RTF2: variants seen among roughly 807,000 people sequenced by gnomAD.
The protein encoded by RTF2 is replication termination factor 2.
RTF2 carries 18 observed loss-of-function variants against 38.0 expected under a neutral mutation model. That is an observed-to-expected ratio of 0.47 (90% CI 0.33 to 0.70). The LOEUF (loss-of-function observed/expected upper bound fraction) is 0.70, where lower values mean the gene tolerates loss of function less well. Among genes scored for constraint, RTF2 ranks in the 30% least tolerant of loss-of-function variants. The pLI is 0.02. For synonymous variants in RTF2, 126 were observed against 137.1 expected (o/e 0.92, Z 0.57); for missense variants, 311 against 379.6 (o/e 0.82, Z 1.50).
chr20:56,508,773 A>G (rs1984445162), intron 5 of RTF2, among the ~76,000 whole-genome samples: 1 of 152,216 alleles, frequency 6.6e-6, no homozygotes, highest in Non-Finnish European at 1.5e-5. Flanking sequence ...CGATGGGGGA[A>G]AGAATAGTTT....
intron 2 of RTF2, among the ~76,000 whole-genome samples, 185 bp downstream of exon 2, chr20:56,473,580 T>C (rs552770768): frequency 2.4e-4 from 37 of 152,294 alleles, no homozygotes; most frequent in Admixed American, 2.2e-3. Context: ...ATTTAATCCA[T>C]GGTTTGAAAA....
rs1055568688 is a variant in RTF2 at position 56,517,283 on chromosome 20, G to A, written c.742+82G>A. On this transcript the variant is annotated intron_variant, in intron 8 of 8. Coordinates refer to ENST00000357348, the MANE Select transcript of RTF2 (RefSeq NM_016407.5). The stretch of plus-strand genomic sequence containing the variant: ...CCGAGTCCAGGTTTCACTGGAGTGG[G>A]TGGATGGGAAGCCCAAGCCTGTCCT... 5 of 1,095,728 alleles carry A rather than the reference G, an allele frequency of 4.6e-6. No homozygotes were observed. In the Admixed American group the frequency reaches 5.7e-5, roughly 12 times the overall value. 67.9% of individuals were successfully genotyped at this position (1,095,728 alleles called of 1,614,324 possible).
At chr20:56,490,157 A>G (rs554736194) in intron 5 of RTF2, among the ~76,000 whole-genome samples, 70 of 152,294 alleles carry the variant, frequency 4.6e-4, no homozygotes, top group Non-Finnish European at 8.7e-4. Flanking sequence ...TCCCAGGGCT[A>G]TTTCACACAG....
chr20:56,478,900 G>T (rs1672434757), intron 4 of RTF2, among the ~76,000 whole-genome samples: 1 of 152,200 alleles, frequency 6.6e-6, no homozygotes, highest in South Asian at 2.1e-4. Context: ...TTAAGCTTAT[G>T]TAATATTTCA....
At chr20:56,494,008 T>C (rs1171980912) in intron 5 of RTF2, among the ~76,000 whole-genome samples, 1 of 152,154 alleles carries the variant, frequency 6.6e-6, no homozygotes, top group Admixed American at 6.5e-5. Flanking sequence ...GTGACTTCAC[T>C]TACCTGAGCC....
At chr20:56,477,831 A>T (rs1391823527) in intron 4 of RTF2, among the ~76,000 whole-genome samples, 1 of 152,244 alleles carries the variant, frequency 6.6e-6, no homozygotes, top group Non-Finnish European at 1.5e-5. Flanking sequence ...ATGCAGTAAC[A>T]GGCAGAGTTA....
chr20:56,489,144 C>T (rs1305655873), intron 5 of RTF2, among the ~76,000 whole-genome samples: 1 of 152,040 alleles, frequency 6.6e-6, no homozygotes, highest in Non-Finnish European at 1.5e-5. Context: ...TAACCTCTGC[C>T]TCCCAGGTTC....
chr20:56,488,366 A>G (rs571338066), intron 5 of RTF2, among the ~76,000 whole-genome samples: 1 of 152,280 alleles, frequency 6.6e-6, no homozygotes, highest in South Asian at 2.1e-4. Flanking sequence ...GTCTCAAAAA[A>G]AAAAAGTGCC....
Position 56,518,095 on chromosome 20 carries a change from G to A in RTF2, c.751G>A (p.Glu251Lys), listed in dbSNP as rs780811882. The part of the protein sequence containing the change: ...NLAPKSTAMN[E>K]SSSGKAGKPP... ...GCTCTTCATTTTTCTAGCAATGAAT[G>A]AGAGCTCTTCTGGAAAAGCTGGGAA... The change falls in exon 9 of 9, where the codon GAG becomes AAG. Residue 251 changes from glutamate (E) to lysine (K), a missense_variant. Physicochemically the swap from Glu to Lys is moderately conservative, Grantham distance 56. Transcript: ENST00000357348. The A allele has an allele frequency of 2.5e-6, 4 of 1,608,388 alleles. No individual in the cohort carries two copies. Among genetic ancestry groups the A allele is most frequent in the Admixed American group, 1.7e-5 (1 of 58,168 alleles).
chr20:56,515,798 C>T (rs1366025650), intron 6 of RTF2: 2 of 152,198 alleles, frequency 1.3e-5, no homozygotes, highest in Non-Finnish European at 2.9e-5. Flanking sequence ...CAAGTTAATT[C>T]AAAGCCCAGT....
At chr20:56,491,368 C>T in intron 5 of RTF2, 1 of 580,294 alleles carries the variant, frequency 1.7e-6, no homozygotes, top group Non-Finnish European at 3.1e-6. Context: ...GTTTTTTTGT[C>T]TTGTGATTTC....
chr20:56,512,793 C>A (rs1031879490), intron 5 of RTF2, among the ~76,000 whole-genome samples: 1 of 152,198 alleles, frequency 6.6e-6, no homozygotes, highest in Admixed American at 6.5e-5. Context: ...GGCTTCCTTA[C>A]GCGCACTCCC....
At chr20:56,509,134 C>G (rs554214600) in intron 5 of RTF2, among the ~76,000 whole-genome samples, 1 of 152,108 alleles carries the variant, frequency 6.6e-6, no homozygotes, top group Non-Finnish European at 1.5e-5. Flanking sequence ...CCTCTTAGAA[C>G]GCAACATCAA....
intron 5 of RTF2, among the ~76,000 whole-genome samples, chr20:56,486,902 C>T (rs1315823687): frequency 2.6e-5 from 4 of 152,018 alleles, no homozygotes; most frequent in South Asian, 4.1e-4. Context: ...TGATCGAGGC[C>T]TGGTCCTGTC....
In RTF2 at chr20:56,518,023, A is replaced by G. The variant is rs1568715257; in HGVS notation, c.743-64A>G. 1.1e-5 allele frequency: 16 copies of G among 1,482,666 alleles called. No homozygotes were observed. In the East Asian group the frequency reaches 3.6e-4, roughly 34 times the overall value. 91.8% of individuals were successfully genotyped at this position (1,482,666 alleles called of 1,614,324 possible). Reference sequence around the variant, plus strand: ...GAGTGACTGATGGGCTTCCCTTCTGAGGATGCGAAGTTTAGAATCATCTTT... The same window carrying G: ...GAGTGACTGATGGGCTTCCCTTCTGGGGATGCGAAGTTTAGAATCATCTTT... On this transcript the variant is annotated intron_variant, in intron 8 of 8. Coordinates refer to ENST00000357348, the MANE Select transcript of RTF2 (RefSeq NM_016407.5).
chr20:56,486,747 A>G (rs538332567), intron 5 of RTF2, among the ~76,000 whole-genome samples: 1 of 152,354 alleles, frequency 6.6e-6, no homozygotes, highest in South Asian at 2.1e-4. Flanking sequence ...TTGACAGTAC[A>G]GTTGGCAGGG....
At chr20:56,489,436 A>G (rs1027692502) in intron 5 of RTF2, among the ~76,000 whole-genome samples, 2 of 151,972 alleles carry the variant, frequency 1.3e-5, no homozygotes, top group Non-Finnish European at 2.9e-5. Flanking sequence ...GTTTGTTTCA[A>G]TTTGTGCTTC....
In RTF2 at chr20:56,519,185, T is replaced by A. The variant is rs1423498135; in HGVS notation, c.*920T>A. The A allele has an allele frequency of 6.6e-6, 1 of 152,182 alleles. No homozygotes were observed. The highest frequency in any genetic ancestry group is 6.5e-5 in the Admixed American group (1 of 15,280). The allele number at this position is 152,182 out of a possible 1,614,324, so 9.4% of individuals were successfully genotyped here. On this transcript the variant is annotated 3_prime_UTR_variant, in exon 9 of 9. Transcript: ENST00000357348. Reference sequence around the variant, plus strand: ...ATGACTGAGATAGTGACTGGTTCTCTATACAGACCCCGGGGCCCTGGGTTT... The same window carrying A: ...ATGACTGAGATAGTGACTGGTTCTCAATACAGACCCCGGGGCCCTGGGTTT...
chr20:56,495,704 A>C (rs1025975512), intron 5 of RTF2, among the ~76,000 whole-genome samples: 2 of 152,192 alleles, frequency 1.3e-5, no homozygotes, highest in African/African-American at 4.8e-5. Context: ...AGTGGACATG[A>C]AATTATATTA....
Sources: gnomAD v4.1 joint callset for allele counts (sites outside exome capture counted in the v4.1 genomes callset) on GRCh38, gnomAD v4.1.1 for gene constraint, MANE v1.5 for transcripts, NCBI Gene and HGNC (gene_info 2026-07-23, HGNC 2026-07-21) for gene names.